The following DGCR2 variants were observed in gnomAD, a reference collection of about 807,000 sequenced individuals.
DGCR2 encodes DiGeorge syndrome critical region gene 2, also known as integral membrane protein DGCR2/IDD.
A neutral mutation model predicts 51.6 loss-of-function variants in DGCR2; 24 were observed. That is an observed-to-expected ratio of 0.47 (90% confidence interval 0.34 to 0.65). DGCR2 has a LOEUF of 0.65. Among genes scored for constraint, DGCR2 ranks in the 30% least tolerant of loss-of-function variants. DGCR2 has a pLI of 0.01. For synonymous variants in DGCR2, 340 were observed against 315.4 expected (o/e 1.08, Z -0.82); for missense variants, 765 against 772.1 (o/e 0.99, Z 0.11).
At chr22:19,094,603 G>A (rs1367310196) in intron 1 of DGCR2, among the ~76,000 whole-genome samples, 1 of 152,202 alleles carries the variant, frequency 6.6e-6, no homozygotes, top group South Asian at 2.1e-4. Flanking sequence ...TTTAAAAACT[G>A]AATGTATACC....
chr22:19,065,267 C>G, intron 3 of DGCR2, 200 bp from the exon 4 acceptor site: 1 of 585,288 alleles, frequency 1.7e-6, no homozygotes, highest in Non-Finnish European at 3.0e-6. Context: ...TTCAATGATA[C>G]AAGTACATTC....
At position 19,038,854 on chromosome 22, in the gene DGCR2, G is replaced by C; in HGVS notation, c.*11C>G. 1 of 1,611,274 alleles carries C rather than the reference G, an allele frequency of 6.2e-7. No individual in the cohort carries two copies. Among genetic ancestry groups the C allele is most frequent in the South Asian group, 1.1e-5 (1 of 90,876 alleles). On this transcript the variant is annotated 3_prime_UTR_variant, in exon 10 of 10. Coordinates refer to ENST00000263196, the MANE Select transcript of DGCR2 (RefSeq NM_005137.3). ...GGTGCTCCCAGACCGTTGGGGTACA[G>C]GCCAGGCCGTCTACACCACAGTATT...
chr22:19,048,780 A>C (rs2082518310), intron 6 of DGCR2, 137 bp from the exon 7 acceptor site: 1 of 805,592 alleles, frequency 1.2e-6, no homozygotes, highest in Non-Finnish European at 2.0e-6. Context: ...AATGGGAAGG[A>C]GGCAGCTGGA....
At chr22:19,041,029 G>GTGTT in intron 9 of DGCR2, 29 bp downstream of exon 9, 1 of 1,547,762 alleles carries the variant, frequency 6.5e-7, no homozygotes, top group Non-Finnish European at 8.8e-7. Flanking sequence ...ACTTGACAAG[G>GTGTT]TGTTCCCTCT....
In DGCR2 at chr22:19,122,380, A is replaced by G; in HGVS notation, c.-174T>C. Reference sequence around the variant, plus strand: ...GGGCTGGCGCACACTCTCGGCTGCAACCTCAGGCACCGACTCCAGCTGCGC... The same window carrying G: ...GGGCTGGCGCACACTCTCGGCTGCAGCCTCAGGCACCGACTCCAGCTGCGC... On this transcript the variant is annotated 5_prime_UTR_variant, in exon 1 of 10. Coordinates refer to ENST00000263196, the MANE Select transcript of DGCR2 (RefSeq NM_005137.3). 1 of 459,958 alleles carries G rather than the reference A, an allele frequency of 2.2e-6. No homozygotes were observed. The highest frequency in any genetic ancestry group is 3.4e-5 in the South Asian group (1 of 29,400). 28.5% of individuals were successfully genotyped at this position (459,958 alleles called of 1,614,324 possible).
chr22:19,103,739 TAAAAAAAAAAA>T (rs34046451), intron 1 of DGCR2, among the ~76,000 whole-genome samples: 3 of 78,714 alleles, frequency 3.8e-5, no homozygotes, highest in African/African-American at 1.5e-4. Flanking sequence ...AAAAAATTCT[TAAAAAAAAAAA>T]AAAAAAAAAA....
At chr22:19,116,219 T>C (rs959443109) in intron 1 of DGCR2, among the ~76,000 whole-genome samples, 6 of 152,168 alleles carry the variant, frequency 3.9e-5, no homozygotes, top group Non-Finnish European at 8.8e-5. Context: ...GACAGCTCAT[T>C]TGAGGCAAAA....
At position 19,093,420 on chromosome 22, in the gene DGCR2, A is replaced by G. The variant is rs374877694; in HGVS notation, c.80-3930T>C. Among the ~76,000 whole-genome samples the G allele has an allele frequency of 2.2e-4, 34 of 152,266 alleles. No homozygotes were observed. The South Asian group carries it at 5.8e-3, about 26-fold the overall frequency. On this transcript the variant is annotated intron_variant, in intron 1 of 9. Coordinates refer to ENST00000263196, the MANE Select transcript of DGCR2 (RefSeq NM_005137.3). ...GCCTACAGGTGAAGCCTAAAACTATAAAACTCAAGAGAAGAAAACACAAGA... is the reference window on the plus strand; with the variant it reads ...GCCTACAGGTGAAGCCTAAAACTATGAAACTCAAGAGAAGAAAACACAAGA...
intron 1 of DGCR2, among the ~76,000 whole-genome samples, chr22:19,093,593 CCA>C (rs2083104460): frequency 6.6e-6 from 1 of 152,042 alleles, no homozygotes; most frequent in Admixed American, 6.6e-5. Context: ...CATAGACAAA[CCA>C]CACACAGAGA....
chr22:19,041,920 C>T lies in DGCR2; in HGVS notation c.1046G>A (p.Arg349His), dbSNP rs751741293. 5.0e-6 allele frequency: 8 copies of T among 1,613,372 alleles called. No homozygotes were observed. Among genetic ancestry groups the T allele is most frequent in the East Asian group, 2.2e-5 (1 of 44,872 alleles). Reference sequence around the variant, plus strand: ...GGAGGAGATGCAGCTGACGACCAGGCGCATCCCGCTGGCCATGGAGTCAAA... The same window carrying T: ...GGAGGAGATGCAGCTGACGACCAGGTGCATCCCGCTGGCCATGGAGTCAAA... ...SLFDSMASGM[R>H]LVVSCISSFL... Residue 349 changes from arginine to histidine, a missense_variant, in exon 8 of 10, where the codon CGC becomes CAC. Around this residue, in one of 3 missense-constraint regions of DGCR2, gnomAD observed 190 missense variants for 265.2 expected, o/e 0.72. Transcript: ENST00000263196.
At chr22:19,088,390 G>A (rs1347684489) in intron 2 of DGCR2, among the ~76,000 whole-genome samples, 1 of 152,224 alleles carries the variant, frequency 6.6e-6, no homozygotes, top group African/African-American at 2.4e-5. Flanking sequence ...CACCTTGAAG[G>A]ATGGTAAGGC....
chr22:19,048,071 T>C (rs1379316745), intron 7 of DGCR2: 2 of 290,368 alleles, frequency 6.9e-6, no homozygotes, highest in African/African-American at 4.3e-5. Flanking sequence ...CATGCGCCTG[T>C]AGTTCCAGCT....
chr22:19,083,353 T>G (rs908744653), intron 2 of DGCR2, among the ~76,000 whole-genome samples: 48 of 152,316 alleles, frequency 3.2e-4, no homozygotes, highest in African/African-American at 1.1e-3. Context: ...TGAGCCAATT[T>G]TGAAGTAAAT....
intron 7 of DGCR2, 71 bp from the exon 8 acceptor site, chr22:19,042,030 G>A (rs549261240): frequency 5.9e-4 from 900 of 1,529,982 alleles, no homozygotes; most frequent in Non-Finnish European, 7.1e-4. Context: ...GGATGCTGTC[G>A]TCCTCCTGCC....
chr22:19,048,209 T>C, intron 7 of DGCR2: 1 of 583,490 alleles, frequency 1.7e-6, no homozygotes, highest in Admixed American at 3.0e-5. Flanking sequence ...TTGTGAATGC[T>C]GCCTGTCACC....
chr22:19,064,852 G>A lies in DGCR2; in HGVS notation c.544C>T (p.Arg182Cys), dbSNP rs747457352. The stretch of plus-strand genomic sequence containing the variant: ...GGTCCCCAATCCAGGACTCACTTGC[G>A]CTGGTCCTTCCAACCAAAGCTCCGC... ...PERSFGWKDQ[R>C]KLWVGYQYVI... Residue 182 changes from arginine (R) to cysteine (C), a missense_variant, in exon 4 of 10, where the codon CGC becomes TGC. Physicochemically the swap from Arg to Cys is radical, Grantham distance 180 (BLOSUM62 -3). This residue lies in a region of DGCR2 where 370 missense variants were observed against 325.5 expected (regional missense o/e 1.14). Transcript: ENST00000263196. 18 of 1,613,218 alleles carry A rather than the reference G, an allele frequency of 1.1e-5. No individual in the cohort carries two copies. Among genetic ancestry groups the A allele is most frequent in the African/African-American group, 5.3e-5 (4 of 74,932 alleles).
Position 19,122,396 on chromosome 22 carries a change from C to A in DGCR2, c.-190G>T. The A allele has an allele frequency of 7.0e-6, 3 of 429,804 alleles. No individual in the cohort carries two copies. The highest frequency in any genetic ancestry group is 1.2e-5 in the Non-Finnish European group (3 of 244,098). 26.6% of individuals were successfully genotyped at this position (429,804 alleles called of 1,614,324 possible). On this transcript the variant is annotated 5_prime_UTR_variant, in exon 1 of 10. Transcript: ENST00000263196. ...TCGGCTGCAACCTCAGGCACCGACT[C>A]CAGCTGCGCGCAAGATGGCGGCCGT...
In DGCR2 at chr22:19,068,090, T is replaced by G. The variant is rs1298476175; in HGVS notation, c.328+10A>C. 2 of 1,565,028 alleles carry G rather than the reference T, an allele frequency of 1.3e-6. No homozygotes were observed. Among genetic ancestry groups the G allele is most frequent in the Non-Finnish European group, 1.7e-6 (2 of 1,157,250 alleles). Reference sequence around the variant, plus strand: ...CCCAGTGTCCCAGTCAGGGCAGGTCTGCAACTTACTGCTGAAGCGAACGGG... The same window carrying G: ...CCCAGTGTCCCAGTCAGGGCAGGTCGGCAACTTACTGCTGAAGCGAACGGG... On this transcript the variant is annotated intron_variant, in intron 3 of 9. Transcript: ENST00000263196.
intron 2 of DGCR2, among the ~76,000 whole-genome samples, chr22:19,088,015 T>C (rs2083037108): frequency 6.6e-6 from 1 of 152,222 alleles, no homozygotes; most frequent in Non-Finnish European, 1.5e-5. Context: ...AAATACAATC[T>C]GACCAGACCA....
Sources: gnomAD v4.1 joint callset for allele counts (sites outside exome capture counted in the v4.1 genomes callset) on GRCh38, gnomAD v4.1.1 for gene constraint, gnomAD v4.1.1 regional missense constraint, MANE v1.5 for transcripts, NCBI Gene and HGNC (gene_info 2026-07-23, HGNC 2026-07-21) for gene names.